Variants in TMIGD3 observed in about 807,000 individuals in gnomAD.
TMIGD3 encodes transmembrane and immunoglobulin domain containing 3.
In TMIGD3, 21 loss-of-function variants were observed where a neutral mutation model predicts 28.1. The ratio of observed to expected loss-of-function variants is 0.75; its 90% confidence interval spans 0.53 to 1.08. TMIGD3 has a LOEUF of 1.08. TMIGD3 is among the 50% of genes least tolerant of loss of function. The probability of loss-of-function intolerance (pLI) is 0.00; values close to 1 mark genes in which losing one functional copy is unlikely to be tolerated. For missense variants in TMIGD3, 416 were observed against 435.6 expected (o/e 0.96, Z 0.40); for synonymous variants, 151 against 162.1 (o/e 0.93, Z 0.52).
At chr1:111,498,480 G>A (rs573404747) in intron 1 of TMIGD3, among the ~76,000 whole-genome samples, 20 of 152,276 alleles carry the variant, frequency 1.3e-4, no homozygotes, top group Non-Finnish European at 2.1e-4. Context: ...GTCCTCAAGC[G>A]TACAAAGCTG....
chr1:111,489,196 CAT>C (rs1484677816), intron 2 of TMIGD3, among the ~76,000 whole-genome samples, 172 bp from the exon 3 acceptor site: 4 of 152,306 alleles, frequency 2.6e-5, no homozygotes, highest in Middle Eastern at 3.4e-3. Flanking sequence ...CTTCAAAACT[CAT>C]ATGTTTCAGT....
rs566226173 is a variant in TMIGD3 at position 111,548,260 on chromosome 1, AC to A, written c.107+15585del. ...GGTCTCAAACTCCTGGCCTCAAGCG[AC>A]CCACCCACCTCGGCCTCCCAAAGTG... On this transcript the variant is annotated intron_variant, in intron 1 of 5. Transcript: ENST00000369717. 4.6e-5 allele frequency among the ~76,000 whole-genome samples: 7 copies of A among 152,170 alleles called. No individual in the cohort carries two copies. In the South Asian group the frequency reaches 1.5e-3, roughly 32 times the overall value.
In TMIGD3 at chr1:111,561,522, G is replaced by A. The variant is rs529745776; in HGVS notation, c.107+2324C>T. On this transcript the variant is annotated intron_variant, in intron 1 of 5. Transcript: ENST00000369717. ...GTGTATGTATTGGGGGAAGGAGGGA[G>A]GAAGGGAGGAGGAAATACAGACTGA... 1.6e-4 allele frequency among the ~76,000 whole-genome samples: 25 copies of A among 152,234 alleles called. 1 individual carries two copies. The South Asian group carries it at 5.2e-3, about 32-fold the overall frequency.
Position 111,484,215 on chromosome 1 carries a change from T to G in TMIGD3, c.974-458A>C, listed in dbSNP as rs146537982. Reference sequence around the variant, plus strand: ...GTTACATTTGGGTGTTGATGTGTGATGTGTGATAGTTTGTCTTCCTCCCCC... The same window carrying G: ...GTTACATTTGGGTGTTGATGTGTGAGGTGTGATAGTTTGTCTTCCTCCCCC... On this transcript the variant is annotated intron_variant, in intron 5 of 5. Transcript: ENST00000369716. Among the ~76,000 whole-genome samples the G allele has an allele frequency of 3.1e-3, 470 of 152,340 alleles. 2 individuals carry two copies. The highest frequency in any genetic ancestry group is 0.011 in the African/African-American group (448 of 41,576).
chr1:111,518,970 A>T (rs1387922467), intron 1 of TMIGD3, among the ~76,000 whole-genome samples: 1 of 151,808 alleles, frequency 6.6e-6, no homozygotes, highest in East Asian at 1.9e-4. Context: ...ACGGAATCTC[A>T]CTCTGTTGCC....
chr1:111,485,942 C>T, intron 4 of TMIGD3, 102 bp from the exon 5 acceptor site: 2 of 864,768 alleles, frequency 2.3e-6, no homozygotes, highest in South Asian at 3.3e-5. Flanking sequence ...TGCCCACCCC[C>T]CAACCCAGTT....
Position 111,485,723 on chromosome 1 carries a change from C to A in TMIGD3, c.973+17G>T. On this transcript the variant is annotated intron_variant, in intron 5 of 5. Coordinates refer to ENST00000369716, the MANE Select transcript of TMIGD3 (RefSeq NM_020683.7). ...TCTAATTCTTGCCCACCCCCTCCCT[C>A]AACAATAGCTACTTACCCCTTCTAT... 7.5e-7 allele frequency: 1 copy of A among 1,324,614 alleles called. No homozygotes were observed. Among genetic ancestry groups the A allele is most frequent in the Non-Finnish European group, 1.1e-6 (1 of 933,674 alleles). 82.1% of individuals were successfully genotyped at this position (1,324,614 alleles called of 1,614,324 possible). A position where few individuals can be genotyped will look rare whatever the true frequency, so the allele number is the denominator to read the frequency against.
At chr1:111,522,079 T>C (rs1283843872) in intron 1 of TMIGD3, among the ~76,000 whole-genome samples, 2 of 152,248 alleles carry the variant, frequency 1.3e-5, no homozygotes, top group Non-Finnish European at 2.9e-5. Context: ...CGTATGGGTT[T>C]ATTTCCATTT....
intron 1 of TMIGD3, among the ~76,000 whole-genome samples, chr1:111,548,677 G>A (rs561463239): frequency 6.6e-6 from 1 of 152,312 alleles, no homozygotes; most frequent in South Asian, 2.1e-4. Context: ...ATAAATGGAT[G>A]TGGATGGTCT....
At chr1:111,557,796 G>T (rs972425885) in intron 1 of TMIGD3, among the ~76,000 whole-genome samples, 1 of 152,142 alleles carries the variant, frequency 6.6e-6, no homozygotes, top group African/African-American at 2.4e-5. Flanking sequence ...TAATTTATGG[G>T]ATAAGAAGTA....
At chr1:111,520,658 A>G (rs1053875241) in intron 1 of TMIGD3, among the ~76,000 whole-genome samples, 1 of 152,222 alleles carries the variant, frequency 6.6e-6, no homozygotes, top group African/African-American at 2.4e-5. Flanking sequence ...TACAGGTATC[A>G]ATTCATTCAG....
At chr1:111,557,558 A>AC (rs1046337313) in intron 1 of TMIGD3, among the ~76,000 whole-genome samples, 40 of 151,844 alleles carry the variant, frequency 2.6e-4, no homozygotes, top group African/African-American at 9.7e-4. Context: ...AAAAAAAAAA[A>AC]CTTACAAAAA....
intron 3 of TMIGD3, 76 bp from the exon 4 acceptor site, chr1:111,486,728 G>T: frequency 8.1e-7 from 1 of 1,235,172 alleles, no homozygotes; most frequent in Non-Finnish European, 1.2e-6. Context: ...CTGCAGCTCT[G>T]CCTGTCATTC....
At chr1:111,499,559 C>A in intron 1 of TMIGD3, 11 of 1,017,752 alleles carry the variant, frequency 1.1e-5, no homozygotes, top group Non-Finnish European at 1.3e-5. Context: ...GTTCTCTGCT[C>A]AATTCCACAA....
At chr1:111,486,794 C>T (rs536492003) in intron 3 of TMIGD3, 142 bp from the exon 4 acceptor site, 53 of 732,562 alleles carry the variant, frequency 7.2e-5, no homozygotes, top group East Asian at 2.4e-4. Context: ...AGGTACCACG[C>T]GCAGTTGTAT....
intron 1 of TMIGD3, among the ~76,000 whole-genome samples, chr1:111,515,708 C>A (rs1032669886): frequency 2.0e-5 from 3 of 152,226 alleles, no homozygotes; most frequent in Admixed American, 6.5e-5. Flanking sequence ...GACAACCCCC[C>A]AGAAGTCGCA....
intron 1 of TMIGD3, among the ~76,000 whole-genome samples, chr1:111,497,338 C>A (rs986900934): frequency 6.6e-6 from 1 of 152,108 alleles, no homozygotes; most frequent in Non-Finnish European, 1.5e-5. Context: ...TCTCGATCTC[C>A]TGACCTCGTG....
chr1:111,485,593 C>A, intron 5 of TMIGD3, 147 bp downstream of exon 5: 1 of 610,216 alleles, frequency 1.6e-6, no homozygotes. Context: ...AAGCAGATAT[C>A]TACCCCAGCC....
At chr1:111,495,470 C>A (rs1297981199) in intron 1 of TMIGD3, among the ~76,000 whole-genome samples, 1 of 152,218 alleles carries the variant, frequency 6.6e-6, no homozygotes, top group East Asian at 1.9e-4. Flanking sequence ...ATAAGAGATA[C>A]CAGTGAAGCT....
Sources: gnomAD v4.1 joint callset for allele counts (sites outside exome capture counted in the v4.1 genomes callset) on GRCh38, gnomAD v4.1.1 for gene constraint, MANE v1.5 for transcripts, NCBI Gene and HGNC (gene_info 2026-07-23, HGNC 2026-07-21) for gene names.